Variants in PAQR5 observed in about 807,000 individuals in gnomAD.
The protein encoded by PAQR5 is membrane progestin receptor gamma.
PAQR5 carries 20 observed loss-of-function variants against 34.5 expected under a neutral mutation model. That is an observed-to-expected ratio of 0.58 (90% CI 0.41 to 0.84). The LOEUF (loss-of-function observed/expected upper bound fraction) is 0.84. Among genes scored for constraint, PAQR5 ranks in the 40% least tolerant of loss-of-function variants. The pLI, the probability that PAQR5 is intolerant of heterozygous loss-of-function variation, is 0.00. For missense variants in PAQR5, 378 were observed against 412.7 expected, an observed-to-expected ratio of 0.92 and a Z score of 0.73; for synonymous variants, 131 against 155.6, an observed-to-expected ratio of 0.84 and a Z score of 1.18.
chr15:69,383,875 G>C (rs1443699120), intron 4 of PAQR5, among the ~76,000 whole-genome samples: 1 of 802 alleles, frequency 1.2e-3, no homozygotes, highest in African/African-American at 5.3e-3. Flanking sequence ...GGGTGAGTGG[G>C]CCTTTGTGTT....
chr15:69,399,686 T>C (rs2056564176), intron 7 of PAQR5, among the ~76,000 whole-genome samples: 1 of 152,212 alleles, frequency 6.6e-6, no homozygotes, highest in South Asian at 2.1e-4. Context: ...TTCAGTTAAG[T>C]AAATAAACCA....
Position 69,322,757 on chromosome 15 carries a change from A to AGAGGGAGAAGAAGAAGAAGATGAG in PAQR5, c.-276-14582_-276-14581insGGGAGAAGAAGAAGAAGATGAGGA, listed in dbSNP as rs1566997858. ...AAGAAGAAGAAGAAGAAGAAGAAGA[A>AGAGGGAGAAGAAGAAGAAGATGAG]GAAGAAGAAGAAGAGGGAGAAGAAG... On this transcript the variant is annotated intron_variant, in intron 1 of 8. Transcript: ENST00000395407. Among the ~76,000 whole-genome samples, 3 of 28,386 alleles carry AGAGGGAGAAGAAGAAGAAGATGAG rather than the reference A, an allele frequency of 1.1e-4. 1 individual carries two copies. Among genetic ancestry groups the AGAGGGAGAAGAAGAAGAAGATGAG allele is most frequent in the African/African-American group, 2.0e-4 (2 of 10,158 alleles). 18.6% of individuals were successfully genotyped at this position (28,386 alleles called of 152,430 possible).
At chr15:69,368,945 A>T (rs1466425031) in intron 3 of PAQR5, among the ~76,000 whole-genome samples, 2 of 151,886 alleles carry the variant, frequency 1.3e-5, no homozygotes, top group African/African-American at 2.4e-5. Context: ...TTTTAAAAAA[A>T]TTTTGTAGAG....
At chr15:69,327,284 GC>G (rs1288967831) in intron 1 of PAQR5, among the ~76,000 whole-genome samples, 2 of 152,018 alleles carry the variant, frequency 1.3e-5, no homozygotes, top group Non-Finnish European at 2.9e-5. Flanking sequence ...GAGCCACTGC[GC>G]CCACCACATG....
intron 6 of PAQR5, among the ~76,000 whole-genome samples, chr15:69,395,046 C>G (rs4146365): frequency 0.077 from 11,798 of 152,294 alleles, 836 homozygotes; most frequent in East Asian, 0.18. Flanking sequence ...CAGCCACAGC[C>G]AGATTTCTTC....
intron 6 of PAQR5, chr15:69,391,877 T>G: frequency 2.7e-6 from 1 of 374,276 alleles, no homozygotes. Context: ...GCCAATGTGG[T>G]GAAAACCTGT....
At chr15:69,370,598 C>A (rs1479632645) in intron 3 of PAQR5, among the ~76,000 whole-genome samples, 2 of 152,184 alleles carry the variant, frequency 1.3e-5, no homozygotes, top group Admixed American at 6.5e-5. Flanking sequence ...TGGCTCACTG[C>A]AACATCTGCC....
At chr15:69,309,220 C>T (rs1566990825) in intron 1 of PAQR5, among the ~76,000 whole-genome samples, 1 of 152,110 alleles carries the variant, frequency 6.6e-6, no homozygotes, top group Non-Finnish European at 1.5e-5. Context: ...CAGGAAGCAG[C>T]AGGAGCTCCA....
intron 1 of PAQR5, among the ~76,000 whole-genome samples, chr15:69,324,900 T>C: frequency 2.1e-5 from 1 of 47,158 alleles, no homozygotes; most frequent in Non-Finnish European, 1.1e-4. Context: ...TTTCATTTCT[T>C]TTTTTTTTTT....
At chr15:69,393,700 C>A (rs2056333906) in intron 6 of PAQR5, among the ~76,000 whole-genome samples, 1 of 152,078 alleles carries the variant, frequency 6.6e-6, no homozygotes, top group South Asian at 2.1e-4. Flanking sequence ...CTGGGGGAGA[C>A]CAGGAACCTC....
chr15:69,366,782 A>T (rs1595900460), intron 3 of PAQR5, among the ~76,000 whole-genome samples: 1 of 152,204 alleles, frequency 6.6e-6, no homozygotes, highest in East Asian at 1.9e-4. Flanking sequence ...TGTGTTAAAA[A>T]ATCTTCCACT....
intron 2 of PAQR5, among the ~76,000 whole-genome samples, chr15:69,341,539 G>A (rs2054644032): frequency 6.6e-6 from 1 of 151,686 alleles, no homozygotes; most frequent in Admixed American, 6.6e-5. Flanking sequence ...CTTTCTTAAG[G>A]CTGAGTAATA....
At chr15:69,359,267 G>A (rs1239213638) in intron 2 of PAQR5, among the ~76,000 whole-genome samples, 3 of 152,104 alleles carry the variant, frequency 2.0e-5, no homozygotes, top group Non-Finnish European at 4.4e-5. Flanking sequence ...ATGAATTTTG[G>A]GGAGACACAA....
At chr15:69,316,035 G>A (rs1382507675) in intron 1 of PAQR5, among the ~76,000 whole-genome samples, 1 of 152,124 alleles carries the variant, frequency 6.6e-6, no homozygotes, top group East Asian at 1.9e-4. Flanking sequence ...GCACGTTCTT[G>A]GGGGCTGATT....
intron 1 of PAQR5, among the ~76,000 whole-genome samples, chr15:69,331,936 T>C (rs1247588873): frequency 6.6e-6 from 1 of 152,204 alleles, no homozygotes; most frequent in Non-Finnish European, 1.5e-5. Flanking sequence ...TGTAAGTGGC[T>C]TGAACCTCAC....
intron 5 of PAQR5, among the ~76,000 whole-genome samples, chr15:69,389,428 G>A (rs902494906): frequency 1.3e-5 from 2 of 152,218 alleles, no homozygotes; most frequent in Non-Finnish European, 2.9e-5. Flanking sequence ...TACATGTAAA[G>A]CCCTTGGAGC....
chr15:69,380,129 C>T (rs1274145651), intron 4 of PAQR5, 119 bp downstream of exon 4: 30 of 1,093,328 alleles, frequency 2.7e-5, no homozygotes, highest in East Asian at 1.2e-4. Flanking sequence ...GGGGATCCCC[C>T]GTGGGTACAC....
Position 69,379,947 on chromosome 15 carries a change from T to C in PAQR5, c.116T>C (p.Ile39Thr). 1 of 1,614,238 alleles carries C rather than the reference T, an allele frequency of 6.2e-7. No individual in the cohort carries two copies. The highest frequency in any genetic ancestry group is 8.5e-7 in the Non-Finnish European group (1 of 1,180,028). ...CCACAGAGTTCTGCCACTGCCTGCATCCTCAGCCTTTTCCAAATGACCAAT... is the reference window on the plus strand; with the variant it reads ...CCACAGAGTTCTGCCACTGCCTGCACCCTCAGCCTTTTCCAAATGACCAAT... Reference protein sequence around the residue: ...RHPQSSATACILSLFQMTNET... With the variant: ...RHPQSSATACTLSLFQMTNET... The change falls in exon 4 of 9, where the codon ATC (isoleucine) becomes ACC (threonine). Residue 39 changes from isoleucine (I) to threonine (T), a missense_variant. Physicochemically the swap from Ile to Thr is moderately conservative, Grantham distance 89. Transcript: ENST00000395407.
intron 1 of PAQR5, among the ~76,000 whole-genome samples, chr15:69,335,361 T>C (rs2054489052): frequency 7.2e-6 from 1 of 139,850 alleles, no homozygotes; most frequent in Non-Finnish European, 1.5e-5. Context: ...TTCTCCTGCC[T>C]CAGCTGCCCA....
Sources: gnomAD v4.1 joint callset for allele counts (sites outside exome capture counted in the v4.1 genomes callset) on GRCh38, gnomAD v4.1.1 for gene constraint, MANE v1.5 for transcripts, NCBI Gene and HGNC (gene_info 2026-07-23, HGNC 2026-07-21) for gene names.